Variants in BCHE observed in about 807,000 individuals in gnomAD.
BCHE encodes the protein butyrylcholinesterase, also known as cholinesterase.
Under a neutral mutation model 51.3 loss-of-function variants are expected in BCHE, and 48 were observed. The observed-to-expected ratio is 0.94, with a 90% CI of 0.74 to 1.19. The LOEUF is 1.19. Among genes scored for constraint, BCHE ranks in the 50% most tolerant of loss-of-function variants. The probability of loss-of-function intolerance (pLI) is 0.00; values close to 1 mark genes in which losing one functional copy is unlikely to be tolerated. For missense variants in BCHE, 847 were observed against 708.2 expected, an observed-to-expected ratio of 1.20 and a Z score of -2.23; for synonymous variants, 251 against 238.0, an observed-to-expected ratio of 1.05 and a Z score of -0.50.
rs576836692 is a variant in BCHE at position 165,834,836 on chromosome 3, G to A, written c.-9+2478C>T. Among the ~76,000 whole-genome samples the A allele has an allele frequency of 5.6e-4, 85 of 151,550 alleles. 1 individual carries two copies. Among genetic ancestry groups the A allele is most frequent in the Non-Finnish European group, 9.0e-4 (61 of 67,714 alleles). ...AAGTTTTAGGGTACATGTGCACAAC[G>A]TGCAGGTTTGATCGTTTTTCTTTTA... On this transcript the variant is annotated intron_variant, in intron 1 of 3. Coordinates refer to ENST00000264381, the MANE Select transcript of BCHE (RefSeq NM_000055.4).
chr3:165,802,834 C>A (rs1021527520), intron 2 of BCHE, among the ~76,000 whole-genome samples: 3 of 151,996 alleles, frequency 2.0e-5, no homozygotes, highest in African/African-American at 7.3e-5. Flanking sequence ...CTCCGCCTCC[C>A]GGGTTCACGC....
At chr3:165,820,680 G>A (rs1511982) in intron 2 of BCHE, among the ~76,000 whole-genome samples, 128,624 of 151,838 alleles carry the variant, frequency 0.85, 55,336 homozygotes, top group East Asian at 0.92. Flanking sequence ...ATTATCTGTC[G>A]GAAAATCTAA....
intron 2 of BCHE, among the ~76,000 whole-genome samples, chr3:165,803,050 T>G (rs1345025767): frequency 6.6e-6 from 1 of 152,132 alleles, no homozygotes; most frequent in African/African-American, 2.4e-5. Context: ...TAGATGATAT[T>G]TTTTAAAGGA....
At chr3:165,806,523 A>G (rs142423058) in intron 2 of BCHE, among the ~76,000 whole-genome samples, 2,316 of 152,282 alleles carry the variant, frequency 0.015, 24 homozygotes, top group Middle Eastern at 0.048. Flanking sequence ...ATATATTCAT[A>G]CTGACTCCAT....
chr3:165,808,546 T>C (rs1236909324), intron 2 of BCHE, among the ~76,000 whole-genome samples: 3 of 152,170 alleles, frequency 2.0e-5, no homozygotes, highest in East Asian at 1.9e-4. Context: ...TGTTGTAAGA[T>C]TAAAAATGTA....
At position 165,794,326 on chromosome 3, in the gene BCHE, G is replaced by GT. The variant is rs545673907; in HGVS notation, c.1518-8016dup. On this transcript the variant is annotated intron_variant, in intron 2 of 3. Transcript: ENST00000264381. Reference sequence around the variant, plus strand: ...GAATCTTTAAAGATAAAAGAAAAATGTAAGTATTTTTTCTTTGCATACTCA... The same window carrying GT: ...GAATCTTTAAAGATAAAAGAAAAATGTTAAGTATTTTTTCTTTGCATACTCA... Among the ~76,000 whole-genome samples, 23 of 152,216 alleles carry GT rather than the reference G, an allele frequency of 1.5e-4. 1 individual carries two copies. The highest frequency in any genetic ancestry group is 7.9e-4 in the Admixed American group (12 of 15,282).
intron 2 of BCHE, among the ~76,000 whole-genome samples, chr3:165,794,215 C>T (rs1713281785): frequency 6.6e-6 from 1 of 152,056 alleles, no homozygotes; most frequent in Admixed American, 6.5e-5. Context: ...ACACTGGCTC[C>T]ATTTTAATCC....
intron 2 of BCHE, among the ~76,000 whole-genome samples, chr3:165,797,150 CTCCTTCCTTCT>C: frequency 7.9e-6 from 1 of 127,218 alleles, no homozygotes; most frequent in Non-Finnish European, 1.7e-5. Context: ...CCCTCCTTCC[CTCCTTCCTTCT>C]TCCCTCCCTT....
At chr3:165,810,830 GT>G (rs1390046185) in intron 2 of BCHE, among the ~76,000 whole-genome samples, 1 of 152,110 alleles carries the variant, frequency 6.6e-6, no homozygotes, top group Non-Finnish European at 1.5e-5. Flanking sequence ...AAGAACTGGT[GT>G]GGTGCTTTCA....
At chr3:165,835,121 A>G (rs565626306) in intron 1 of BCHE, among the ~76,000 whole-genome samples, 11 of 152,002 alleles carry the variant, frequency 7.2e-5, no homozygotes, top group Admixed American at 1.3e-4. Flanking sequence ...GTTTGGAATT[A>G]AGAAAATTTA....
At position 165,801,575 on chromosome 3, in the gene BCHE, G is replaced by A. The variant is rs545723189; in HGVS notation, c.1518-15264C>T. ...AAAGATAAATAAATAGAAAGATTTT[G>A]AAATTAGAAATTTAAAAAAAGTATT... is the stretch of plus-strand genomic sequence containing the variant. On this transcript the variant is annotated intron_variant, in intron 2 of 3. Transcript: ENST00000264381. Among the ~76,000 whole-genome samples, 5 of 152,162 alleles carry A rather than the reference G, an allele frequency of 3.3e-5. No homozygotes were observed. The East Asian group carries it at 9.6e-4, about 29-fold the overall frequency.
chr3:165,786,982 G>C (rs1712979340), intron 2 of BCHE, among the ~76,000 whole-genome samples: 1 of 151,716 alleles, frequency 6.6e-6, no homozygotes, highest in Non-Finnish European at 1.5e-5. Flanking sequence ...GCCAATAGGA[G>C]TTAGGGAATT....
intron 2 of BCHE, among the ~76,000 whole-genome samples, chr3:165,809,641 A>G (rs577476976): frequency 6.6e-6 from 1 of 152,240 alleles, no homozygotes; most frequent in East Asian, 1.9e-4. Context: ...AAATTGTATT[A>G]AGGCAAATGT....
chr3:165,801,501 A>G lies in BCHE; in HGVS notation c.1518-15190T>C, dbSNP rs947683220. 2.4e-4 allele frequency among the ~76,000 whole-genome samples: 36 copies of G among 152,170 alleles called. 1 individual carries two copies. Among genetic ancestry groups the G allele is most frequent in the Non-Finnish European group, 7.4e-5 (5 of 68,024 alleles). ...ATCAAATTTGTTTTTTGCATTTTAT[A>G]TAAATACATCATTATGAAATATGGA... On this transcript the variant is annotated intron_variant, in intron 2 of 3. Coordinates refer to ENST00000264381, the MANE Select transcript of BCHE (RefSeq NM_000055.4).
chr3:165,786,399 C>G (rs113708348), intron 2 of BCHE, 88 bp from the exon 3 acceptor site: 3 of 1,265,688 alleles, frequency 2.4e-6, no homozygotes, highest in African/African-American at 1.5e-5. Flanking sequence ...TTCACAAGAG[C>G]TTTAAAGAAT....
At chr3:165,829,425 T>C (rs1714858670) in intron 2 of BCHE, 92 bp downstream of exon 2, 3 of 1,118,504 alleles carry the variant, frequency 2.7e-6, no homozygotes, top group East Asian at 4.7e-5. Flanking sequence ...CATTTCTGTG[T>C]CTTTATACTA....
At chr3:165,784,207 T>C (rs1712817837) in intron 3 of BCHE, among the ~76,000 whole-genome samples, 2 of 151,928 alleles carry the variant, frequency 1.3e-5, no homozygotes, top group Admixed American at 1.3e-4. Flanking sequence ...ATATTTGAAG[T>C]TTTGTGACTT....
At chr3:165,819,125 C>G (rs1448236137) in intron 2 of BCHE, among the ~76,000 whole-genome samples, 3 of 142,052 alleles carry the variant, frequency 2.1e-5, no homozygotes, top group Non-Finnish European at 4.5e-5. Flanking sequence ...GTTGCCCAGG[C>G]TGGAGTGCAC....
intron 2 of BCHE, among the ~76,000 whole-genome samples, chr3:165,788,188 A>T (rs1453278417): frequency 6.6e-6 from 1 of 152,022 alleles, no homozygotes; most frequent in Admixed American, 6.6e-5. Context: ...GTAAACATTC[A>T]TCCAGTATGG....
Sources: gnomAD v4.1 joint callset for allele counts (sites outside exome capture counted in the v4.1 genomes callset) on GRCh38, gnomAD v4.1.1 for gene constraint, MANE v1.5 for transcripts, NCBI Gene and HGNC (gene_info 2026-07-23, HGNC 2026-07-21) for gene names.